Variants in OXR1 observed in about 807,000 individuals in gnomAD.
The protein encoded by OXR1 is oxidation resistance protein 1.
Under a neutral mutation model 104.6 loss-of-function variants are expected in OXR1, and 41 were observed. The ratio of observed to expected loss-of-function variants is 0.39; its 90% CI spans 0.31 to 0.51. The LOEUF (loss-of-function observed/expected upper bound fraction) is 0.51, where lower values mean the gene tolerates loss of function less well. Ranked by LOEUF, OXR1 falls within the 20% of genes least tolerant of loss-of-function variation. The pLI, the probability that OXR1 is intolerant of heterozygous loss-of-function variation, is 0.77. For missense variants in OXR1, 955 were observed against 1,031.9 expected, an observed-to-expected ratio of 0.93 and a Z score of 1.02; for synonymous variants, 348 against 348.4, an observed-to-expected ratio of 1.00 and a Z score of 0.01.
chr8:106,574,175 A>T (rs1464260154), intron 3 of OXR1, among the ~76,000 whole-genome samples: 1 of 152,198 alleles, frequency 6.6e-6, no homozygotes, highest in African/African-American at 2.4e-5. Flanking sequence ...AAGCAGTAAC[A>T]GTTAGGATAC....
intron 3 of OXR1, among the ~76,000 whole-genome samples, chr8:106,676,275 C>T (rs183973788): frequency 2.0e-5 from 3 of 152,044 alleles, no homozygotes; most frequent in East Asian, 1.9e-4. Flanking sequence ...CTTGCCACTC[C>T]GTCTTTTCAT....
At chr8:106,402,743 G>T (rs1317523034) in intron 2 of OXR1, among the ~76,000 whole-genome samples, 1 of 152,190 alleles carries the variant, frequency 6.6e-6, no homozygotes, top group African/African-American at 2.4e-5. Flanking sequence ...ATGAATTTTT[G>T]AGAGTATGCT....
intron 1 of OXR1, among the ~76,000 whole-genome samples, chr8:106,309,544 G>T (rs1019196329): frequency 2.0e-5 from 3 of 151,842 alleles, no homozygotes; most frequent in Non-Finnish European, 2.9e-5. Flanking sequence ...ACTATATATG[G>T]ATCTCTATTA....
chr8:106,442,508 A>G (rs1819828211), intron 2 of OXR1, among the ~76,000 whole-genome samples: 1 of 151,750 alleles, frequency 6.6e-6, no homozygotes, highest in African/African-American at 2.4e-5. Flanking sequence ...TCCTCTTTGT[A>G]CCTCTGATAG....
chr8:106,377,831 C>T (rs1816972070), intron 2 of OXR1, among the ~76,000 whole-genome samples: 1 of 152,142 alleles, frequency 6.6e-6, no homozygotes, highest in Admixed American at 6.5e-5. Context: ...GATTTCTATA[C>T]CCTTTAACTT....
At chr8:106,672,633 T>C (rs1283500466) in intron 3 of OXR1, among the ~76,000 whole-genome samples, 1 of 152,116 alleles carries the variant, frequency 6.6e-6, no homozygotes, top group Non-Finnish European at 1.5e-5. Flanking sequence ...TAACGTCATA[T>C]GGTTAGGCTT....
chr8:106,600,266 C>T (rs1055297107), intron 3 of OXR1, among the ~76,000 whole-genome samples: 2 of 152,186 alleles, frequency 1.3e-5, no homozygotes, highest in African/African-American at 4.8e-5. Context: ...ATATTCAAAT[C>T]AACTTAAAAA....
chr8:106,493,952 A>G (rs1219156935), intron 2 of OXR1, among the ~76,000 whole-genome samples: 3 of 152,140 alleles, frequency 2.0e-5, no homozygotes, highest in Admixed American at 6.6e-5. Context: ...AATATATTCA[A>G]CCACCCTAAG....
intron 1 of OXR1, among the ~76,000 whole-genome samples, chr8:106,299,665 A>G (rs1271314951): frequency 6.6e-6 from 1 of 152,090 alleles, no homozygotes; most frequent in East Asian, 1.9e-4. Context: ...TTGCGACACT[A>G]TTTCTATATT....
intron 3 of OXR1, among the ~76,000 whole-genome samples, chr8:106,661,702 G>GT (rs1255868218): frequency 7.9e-5 from 12 of 152,080 alleles, no homozygotes; most frequent in African/African-American, 2.9e-4. Flanking sequence ...TTCCCACTTG[G>GT]TGACAGGATT....
intron 3 of OXR1, among the ~76,000 whole-genome samples, chr8:106,536,596 A>G (rs1169958613): frequency 6.6e-6 from 1 of 152,172 alleles, no homozygotes; most frequent in Admixed American, 6.5e-5. Flanking sequence ...TTACATAGCA[A>G]TCTCGCCAGC....
intron 3 of OXR1, among the ~76,000 whole-genome samples, chr8:106,532,463 G>T (rs184747340): frequency 5.9e-4 from 90 of 152,208 alleles, no homozygotes; most frequent in South Asian, 2.3e-3. Context: ...ATATTACCTG[G>T]TATTACTCAG....
chr8:106,607,499 A>G (rs1434596482), intron 3 of OXR1, among the ~76,000 whole-genome samples: 1 of 152,204 alleles, frequency 6.6e-6, no homozygotes, highest in Non-Finnish European at 1.5e-5. Context: ...GCTTACACTT[A>G]CCTGGACTAC....
chr8:106,347,869 A>G (rs1815563289), intron 1 of OXR1, among the ~76,000 whole-genome samples: 1 of 152,230 alleles, frequency 6.6e-6, no homozygotes, highest in South Asian at 2.1e-4. Context: ...AAATAATATC[A>G]TATTATTAAC....
intron 1 of OXR1, among the ~76,000 whole-genome samples, chr8:106,354,211 G>A (rs1380277096): frequency 6.6e-6 from 1 of 151,872 alleles, no homozygotes; most frequent in Admixed American, 6.6e-5. Flanking sequence ...AATAAGGTAA[G>A]TTTATAGGGA....
chr8:106,478,858 T>C (rs1276731435), intron 2 of OXR1, among the ~76,000 whole-genome samples: 1 of 151,864 alleles, frequency 6.6e-6, no homozygotes, highest in African/African-American at 2.4e-5. Context: ...CTAAGAAAAA[T>C]TGGACAGTGT....
chr8:106,684,413 A>G lies in OXR1; in HGVS notation c.525+54A>G, dbSNP rs563947626. ...GATGAAGAAATCTCACTTTGTCTAC[A>G]TTGACTGTCTTGTTTTTTACATTCC... On this transcript the variant is annotated intron_variant, in intron 6 of 16. Transcript: ENST00000517566. 80 of 848,822 alleles carry G rather than the reference A, an allele frequency of 9.4e-5. No individual in the cohort carries two copies. In the African/African-American group the frequency reaches 9.6e-4, roughly 10 times the overall value. 52.6% of individuals were successfully genotyped at this position (848,822 alleles called of 1,614,324 possible).
chr8:106,615,607 CA>C (rs34898459), intron 3 of OXR1, among the ~76,000 whole-genome samples: 43,638 of 117,408 alleles, frequency 0.37, 6,763 homozygotes, highest in African/African-American at 0.45. Context: ...GAATCTGTCT[CA>C]AAAAAAAAAA....
At chr8:106,310,515 T>A (rs1170438723) in intron 1 of OXR1, among the ~76,000 whole-genome samples, 1 of 152,144 alleles carries the variant, frequency 6.6e-6, no homozygotes, top group Non-Finnish European at 1.5e-5. Context: ...CCCCTTGGGG[T>A]TTCATGTCTT....
Sources: allele counts gnomAD v4.1 joint callset (sites outside exome capture counted in the v4.1 genomes callset), GRCh38; gene constraint gnomAD v4.1.1; transcripts MANE v1.5; gene names NCBI Gene and HGNC (gene_info 2026-07-23, HGNC 2026-07-21).